Variants in TMEM126A observed in about 807,000 individuals in gnomAD.
TMEM126A encodes optic atrophy 7.
In TMEM126A, 10 loss-of-function variants were observed where a neutral mutation model predicts 18.3. The ratio of observed to expected loss-of-function variants is 0.55; its 90% CI spans 0.34 to 0.93. TMEM126A has a LOEUF of 0.93. Ranked by LOEUF, TMEM126A falls within the 40% of genes least tolerant of loss-of-function variation. TMEM126A has a pLI of 0.02. For synonymous variants in TMEM126A, 68 were observed against 78.1 expected, an observed-to-expected ratio of 0.87 and a Z score of 0.68; for missense variants, 246 against 230.2, an observed-to-expected ratio of 1.07 and a Z score of -0.44.
At chr11:85,654,772 A>G (rs900863376) in intron 3 of TMEM126A, among the ~76,000 whole-genome samples, 7 of 151,922 alleles carry the variant, frequency 4.6e-5, no homozygotes, top group African/African-American at 1.5e-4. Context: ...TTTTTCTAAC[A>G]TATCTTTCTC....
intron 2 of TMEM126A, 84 bp from the exon 3 acceptor site, chr11:85,653,979 A>C: frequency 6.7e-7 from 1 of 1,491,752 alleles, no homozygotes; most frequent in Non-Finnish European, 9.4e-7. Flanking sequence ...GTGTATTCCC[A>C]AAGTCCTATA....
chr11:85,656,239 G>A, intron 4 of TMEM126A, 70 bp from the exon 5 acceptor site: 1 of 1,276,722 alleles, frequency 7.8e-7, no homozygotes, highest in South Asian at 1.2e-5. Flanking sequence ...GGACTAATAT[G>A]TATCACAGAT....
rs377748343 is a variant in TMEM126A, at chr11:85,654,179, G to A, written c.203G>A (p.Gly68Asp). 1 of 1,614,218 alleles carries A rather than the reference G, an allele frequency of 6.2e-7. No homozygotes were observed. Among genetic ancestry groups the A allele is most frequent in the African/African-American group, 1.3e-5 (1 of 75,042 alleles). Reference sequence around the variant, plus strand: ...GTGACAAAGGCTCGCATAGCTGCTGGCTTACCAATGGCAGGGATACCTTTT... The same window carrying A: ...GTGACAAAGGCTCGCATAGCTGCTGACTTACCAATGGCAGGGATACCTTTT... The part of the protein sequence containing the change: ...LNVTKARIAA[G>D]LPMAGIPFLT... The change falls in exon 3 of 5, where the codon GGC becomes GAC. Residue 68 changes from glycine to aspartate, a missense_variant. Physicochemically the swap from Gly to Asp is moderately conservative, Grantham distance 94. Transcript: ENST00000304511.
intron 4 of TMEM126A, 98 bp from the exon 5 acceptor site, chr11:85,656,211 T>G: frequency 9.2e-7 from 1 of 1,088,196 alleles, no homozygotes; most frequent in Non-Finnish European, 1.4e-6. Context: ...AATATTCAGT[T>G]TTATCTTAAG....
chr11:85,656,239 G>T, intron 4 of TMEM126A, 70 bp from the exon 5 acceptor site: 1 of 1,276,722 alleles, frequency 7.8e-7, no homozygotes, highest in Non-Finnish European at 1.1e-6. Context: ...GGACTAATAT[G>T]TATCACAGAT....
chr11:85,651,189 A>G (rs968883485), intron 2 of TMEM126A, among the ~76,000 whole-genome samples: 3 of 152,206 alleles, frequency 2.0e-5, no homozygotes, highest in African/African-American at 4.8e-5. Flanking sequence ...TTGACAGTCA[A>G]GAAGGTCTCT....
intron 4 of TMEM126A, 79 bp from the exon 5 acceptor site, chr11:85,656,230 G>C (rs1477280630): frequency 2.5e-6 from 3 of 1,196,140 alleles, no homozygotes; most frequent in Middle Eastern, 2.7e-4. Context: ...AGACTTCTAG[G>C]ACTAATATGT....
chr11:85,656,121 A>G (rs2082536165), intron 4 of TMEM126A, among the ~76,000 whole-genome samples, 188 bp from the exon 5 acceptor site: 2 of 152,182 alleles, frequency 1.3e-5, no homozygotes, highest in African/African-American at 2.4e-5. Flanking sequence ...TGCATCAGCA[A>G]TCTATGCTAT....
chr11:85,648,870 T>C (rs964681064), intron 1 of TMEM126A, among the ~76,000 whole-genome samples: 3 of 152,202 alleles, frequency 2.0e-5, no homozygotes, highest in Middle Eastern at 3.4e-3. Context: ...GTGCCTGTAA[T>C]GTTGTAGGAA....
chr11:85,651,967 T>C (rs569234666), intron 2 of TMEM126A, among the ~76,000 whole-genome samples: 1 of 152,086 alleles, frequency 6.6e-6, no homozygotes, highest in Non-Finnish European at 1.5e-5. Flanking sequence ...AGTTTAAGAC[T>C]AGCCTGGCCA....
At chr11:85,648,799 A>C (rs936132637) in intron 1 of TMEM126A, among the ~76,000 whole-genome samples, 4 of 152,202 alleles carry the variant, frequency 2.6e-5, no homozygotes, top group African/African-American at 9.7e-5. Flanking sequence ...TGTCAAGGTA[A>C]TCAACATTTC....
Position 85,650,144 on chromosome 11 carries a change from A to G in TMEM126A, c.-7-105A>G, listed in dbSNP as rs2082488019. On this transcript the variant is annotated intron_variant, in intron 1 of 4. Coordinates refer to ENST00000304511, the MANE Select transcript of TMEM126A (RefSeq NM_032273.4). ...ATTTTTTTTTAATAATATGTATGCA[A>G]TGATTTTTTTCAGATTAGCTCTACA... 9 of 683,962 alleles carry G rather than the reference A, an allele frequency of 1.3e-5. No individual in the cohort carries two copies. The Admixed American group carries it at 2.8e-4, about 21-fold the overall frequency. The allele number at this position is 683,962 out of a possible 1,614,324, so 42.4% of individuals were successfully genotyped here.
chr11:85,651,671 G>C (rs1331448239), intron 2 of TMEM126A, among the ~76,000 whole-genome samples: 2 of 151,914 alleles, frequency 1.3e-5, no homozygotes, highest in Admixed American at 1.3e-4. Flanking sequence ...TCAGAACAAG[G>C]ATCTCCAAGG....
intron 1 of TMEM126A, 87 bp from the exon 2 acceptor site, chr11:85,650,162 G>T: frequency 1.3e-6 from 1 of 790,988 alleles, no homozygotes; most frequent in Non-Finnish European, 2.0e-6. Flanking sequence ...TTTCAGATTA[G>T]CTCTACAGTA....
chr11:85,648,158 C>T (rs1286770140), intron 1 of TMEM126A, 69 bp downstream of exon 1: 3 of 152,384 alleles, frequency 2.0e-5, no homozygotes, highest in Non-Finnish European at 4.4e-5. Flanking sequence ...CGCGGTGACA[C>T]GCTAGCTACC....
At chr11:85,655,525 C>A in intron 3 of TMEM126A, 69 bp from the exon 4 acceptor site, 1 of 1,148,876 alleles carries the variant, frequency 8.7e-7, no homozygotes, top group South Asian at 1.2e-5. Flanking sequence ...AAAAGAGGAT[C>A]TTACATTCTT....
At chr11:85,655,733 A>C in intron 4 of TMEM126A, 25 bp downstream of exon 4, 1 of 1,477,460 alleles carries the variant, frequency 6.8e-7, no homozygotes, top group Non-Finnish European at 9.5e-7. Flanking sequence ...ACTTTTTATA[A>C]TATGTGATTA....
At chr11:85,650,427 T>A (rs533806712) in intron 2 of TMEM126A, 86 bp downstream of exon 2, 59 of 1,022,186 alleles carry the variant, frequency 5.8e-5, no homozygotes, top group Non-Finnish European at 8.5e-5. Flanking sequence ...CTGGTTTGAG[T>A]ATAAACAACA....
chr11:85,650,998 G>A (rs2082495088), intron 2 of TMEM126A, among the ~76,000 whole-genome samples: 1 of 149,684 alleles, frequency 6.7e-6, no homozygotes, highest in Non-Finnish European at 1.5e-5. Context: ...GAACCAGGGA[G>A]GCGGAGGTTG....
Sources: gnomAD v4.1 joint callset for allele counts (sites outside exome capture counted in the v4.1 genomes callset) on GRCh38, gnomAD v4.1.1 for gene constraint, MANE v1.5 for transcripts, NCBI Gene and HGNC (gene_info 2026-07-23, HGNC 2026-07-21) for gene names.